Variants in ADGRL3 observed in about 807,000 individuals in gnomAD.
ADGRL3 encodes calcium-independent alpha-latrotoxin receptor 3.
ADGRL3 carries 62 observed loss-of-function variants against 153.5 expected under a neutral mutation model. The observed-to-expected ratio is 0.40, with a 90% confidence interval of 0.33 to 0.50. The LOEUF (loss-of-function observed/expected upper bound fraction) is 0.50. Ranked by LOEUF, ADGRL3 falls within the 20% of genes least tolerant of loss-of-function variation. ADGRL3 has a pLI of 0.47. For missense variants in ADGRL3, 1,641 were observed against 1,859.4 expected (o/e 0.88, Z 2.16); for synonymous variants, 710 against 672.5 (o/e 1.06, Z -0.86).
chr4:61,402,091 CAT>C (rs1447687183), intron 2 of ADGRL3, among the ~76,000 whole-genome samples: 10 of 151,992 alleles, frequency 6.6e-5, no homozygotes, highest in East Asian at 1.9e-4. Context: ...ATAATTTTCA[CAT>C]GTCATGAAAT....
At chr4:61,333,760 C>T (rs2095620766) in intron 1 of ADGRL3, among the ~76,000 whole-genome samples, 1 of 151,852 alleles carries the variant, frequency 6.6e-6, no homozygotes, top group Admixed American at 6.6e-5. Flanking sequence ...CCATATCCAG[C>T]AATTAATTAA....
At chr4:62,035,152 A>G (rs1463848136) in intron 23 of ADGRL3, among the ~76,000 whole-genome samples, 1 of 151,990 alleles carries the variant, frequency 6.6e-6, no homozygotes, top group African/African-American at 2.4e-5. Flanking sequence ...ATTTCAAATC[A>G]AATCACAGCA....
intron 8 of ADGRL3, among the ~76,000 whole-genome samples, chr4:61,811,507 A>G (rs560089141): frequency 2.6e-5 from 4 of 152,256 alleles, no homozygotes; most frequent in African/African-American, 7.2e-5. Context: ...AGGAGCGACT[A>G]CTAATGAACT....
At chr4:62,050,509 C>A (rs186310858) in intron 25 of ADGRL3, among the ~76,000 whole-genome samples, 1 of 151,914 alleles carries the variant, frequency 6.6e-6, no homozygotes, top group African/African-American at 2.4e-5. Flanking sequence ...AGGTTGGTCA[C>A]TGAGGCAGAA....
intron 21 of ADGRL3, among the ~76,000 whole-genome samples, chr4:62,023,260 G>C (rs1218826832): frequency 6.6e-6 from 1 of 152,114 alleles, no homozygotes; most frequent in Admixed American, 6.6e-5. Context: ...CTGAAGATGT[G>C]AATAAATTTC....
intron 1 of ADGRL3, among the ~76,000 whole-genome samples, chr4:61,367,161 C>T (rs2096412729): frequency 6.6e-6 from 1 of 151,576 alleles, no homozygotes; most frequent in African/African-American, 2.4e-5. Context: ...TTTTGCCAAA[C>T]ATTAGAAGAA....
chr4:61,869,884 G>T (rs1228218736), intron 9 of ADGRL3, among the ~76,000 whole-genome samples: 1 of 135,644 alleles, frequency 7.4e-6, no homozygotes, highest in Non-Finnish European at 1.5e-5. Flanking sequence ...GTTGTGGTGA[G>T]CTGAGATCAT....
At chr4:61,535,825 A>T (rs527567286) in intron 4 of ADGRL3, among the ~76,000 whole-genome samples, 1 of 151,974 alleles carries the variant, frequency 6.6e-6, no homozygotes, top group Admixed American at 6.5e-5. Context: ...GGCATCTATC[A>T]ATTTTGTTCA....
At chr4:61,230,198 G>T (rs562605166) in intron 1 of ADGRL3, among the ~76,000 whole-genome samples, 1 of 152,260 alleles carries the variant, frequency 6.6e-6, no homozygotes, top group East Asian at 1.9e-4. Flanking sequence ...ACGGCTGTCT[G>T]CTAGAAGCCC....
At chr4:61,774,284 G>A (rs2097120357) in intron 8 of ADGRL3, among the ~76,000 whole-genome samples, 1 of 151,018 alleles carries the variant, frequency 6.6e-6, no homozygotes, top group African/African-American at 2.4e-5. Context: ...TTGAACCTGG[G>A]AGGCGGAGGT....
intron 1 of ADGRL3, among the ~76,000 whole-genome samples, chr4:61,226,530 AT>A (rs1748040606): frequency 6.6e-6 from 1 of 152,180 alleles, no homozygotes; most frequent in African/African-American, 2.4e-5. Context: ...TGTGGCATGA[AT>A]AGTGGAAGAG....
intron 9 of ADGRL3, among the ~76,000 whole-genome samples, chr4:61,815,439 A>G (rs1200686736): frequency 1.3e-5 from 2 of 152,222 alleles, no homozygotes; most frequent in African/African-American, 4.8e-5. Context: ...AGATTGGCAG[A>G]AGGAGGCTTT....
chr4:61,799,578 A>T (rs970620829), intron 8 of ADGRL3, among the ~76,000 whole-genome samples: 2 of 152,080 alleles, frequency 1.3e-5, no homozygotes, highest in South Asian at 2.1e-4. Context: ...CAATAGCCCT[A>T]TGTTATAGAT....
rs567965787 is a variant in ADGRL3 at position 61,372,963 on chromosome 4, A to G, written c.-239-10161A>G. The stretch of plus-strand genomic sequence containing the variant: ...TTTTTTAAGCCCGTCGGAAAAGCGC[A>G]GTATTCGGGTGGGAGTGACCCGATT... On this transcript the variant is annotated intron_variant, in intron 1 of 26. Transcript: ENST00000683033. Among the ~76,000 whole-genome samples, 45 of 152,298 alleles carry G rather than the reference A, an allele frequency of 3.0e-4. No homozygotes were observed. The South Asian group carries it at 9.1e-3, about 31-fold the overall frequency.
chr4:61,713,784 A>T (rs2151513211), intron 6 of ADGRL3, among the ~76,000 whole-genome samples: 1 of 152,272 alleles, frequency 6.6e-6, no homozygotes, highest in African/African-American at 2.4e-5. Context: ...CTATCTAAAC[A>T]TATTTTCTCT....
At position 61,437,053 on chromosome 4, in the gene ADGRL3, T is replaced by A. The variant is rs374045129; in HGVS notation, c.-174+53864T>A. 4.6e-5 allele frequency among the ~76,000 whole-genome samples: 7 copies of A among 152,278 alleles called. No homozygotes were observed. In the East Asian group the frequency reaches 1.4e-3, roughly 29 times the overall value. ...GATATCTAAAGTTCATAAATAATAC[T>A]GAGTTATATAGTATTGATAGGAACC... On this transcript the variant is annotated intron_variant, in intron 2 of 26. Transcript: ENST00000683033.
At chr4:61,266,538 A>G (rs955132350) in intron 1 of ADGRL3, among the ~76,000 whole-genome samples, 4 of 151,902 alleles carry the variant, frequency 2.6e-5, no homozygotes, top group African/African-American at 7.2e-5. Context: ...ATGTTTGTGG[A>G]CAGAATTTGT....
At position 62,070,934 on chromosome 4, in the gene ADGRL3, C is replaced by A; in HGVS notation, c.*26C>A. ...AAGATGACACAGAAATTGGAACCAA[C>A]AAAACTGCTAACACCTTGTTGACTG... On this transcript the variant is annotated 3_prime_UTR_variant, in exon 27 of 27. Transcript: ENST00000683033. 1 of 1,510,870 alleles carries A rather than the reference C, an allele frequency of 6.6e-7. No homozygotes were observed. The highest frequency in any genetic ancestry group is 8.9e-7 in the Non-Finnish European group (1 of 1,122,852). The allele number at this position is 1,510,870 out of a possible 1,614,324, so 93.6% of individuals were successfully genotyped here.
chr4:61,314,603 G>T (rs1019630106), intron 1 of ADGRL3, among the ~76,000 whole-genome samples: 14 of 152,162 alleles, frequency 9.2e-5, no homozygotes, highest in Admixed American at 5.2e-4. Context: ...CATCTTGCTG[G>T]CTCGTTGAAA....
Sources: gnomAD v4.1 joint callset for allele counts (sites outside exome capture counted in the v4.1 genomes callset) on GRCh38, gnomAD v4.1.1 for gene constraint, MANE v1.5 for transcripts, NCBI Gene and HGNC (gene_info 2026-07-23, HGNC 2026-07-21) for gene names.